SLC24A2: variants seen among roughly 807,000 people sequenced by gnomAD.
The protein encoded by SLC24A2 is sodium/potassium/calcium exchanger 2.
In SLC24A2, 36 loss-of-function variants were observed where a neutral mutation model predicts 62.0. The observed-to-expected ratio is 0.58, with a 90% CI of 0.44 to 0.77. The LOEUF is 0.77. SLC24A2 is among the 30% of genes least tolerant of loss of function. The pLI is 0.00. For synonymous variants in SLC24A2, 358 were observed against 294.0 expected, an observed-to-expected ratio of 1.22 and a Z score of -2.23; for missense variants, 846 against 817.9, an observed-to-expected ratio of 1.03 and a Z score of -0.42.
At chr9:19,520,822 C>G (rs1833164060) in intron 10 of SLC24A2, 72 bp downstream of exon 10, 2 of 1,469,806 alleles carry the variant, frequency 1.4e-6, no homozygotes, top group South Asian at 1.1e-5. Flanking sequence ...CTGGTCATGT[C>G]TTTCCAGCTT....
the SLC24A2 span, among the ~76,000 whole-genome samples, chr9:20,084,396 A>G: frequency 1.3e-5 from 2 of 152,168 alleles, no homozygotes; most frequent in Middle Eastern, 6.8e-3. Context: ...ATTGGCCATA[A>G]CAATTGGGAA....
chr9:19,978,638 A>G, the SLC24A2 span, among the ~76,000 whole-genome samples: 2,021 of 152,150 alleles, frequency 0.013, 38 homozygotes, highest in African/African-American at 0.041. Flanking sequence ...ATATCAATTG[A>G]CTCCCAACTT....
chr9:19,565,686 G>C (rs1463569182), intron 7 of SLC24A2, among the ~76,000 whole-genome samples: 3 of 152,158 alleles, frequency 2.0e-5, no homozygotes, highest in African/African-American at 7.2e-5. Flanking sequence ...AACAAAGCTG[G>C]AGGCATCAGG....
the SLC24A2 span, among the ~76,000 whole-genome samples, chr9:20,301,312 G>A: frequency 6.6e-6 from 1 of 152,102 alleles, no homozygotes; most frequent in Non-Finnish European, 1.5e-5. Context: ...GTTGTCTGGG[G>A]AGTACATTTT....
At chr9:19,636,315 T>TTTTCTTTTCCTTTCTTTCTTTTCC in intron 2 of SLC24A2, among the ~76,000 whole-genome samples, 1 of 40,328 alleles carries the variant, frequency 2.5e-5, no homozygotes, top group Non-Finnish European at 4.7e-5. Flanking sequence ...TTTTCTTTTC[T>TTTTCTTTTCCTTTCTTTCTTTTCC]TTTCTTTCTT....
the SLC24A2 span, among the ~76,000 whole-genome samples, chr9:19,836,431 C>G: frequency 6.6e-6 from 1 of 152,176 alleles, no homozygotes; most frequent in Non-Finnish European, 1.5e-5. Context: ...AAAAGACCAT[C>G]AGAGAATACT....
At chr9:19,523,147 T>C (rs1016190251) in intron 9 of SLC24A2, among the ~76,000 whole-genome samples, 1 of 152,170 alleles carries the variant, frequency 6.6e-6, no homozygotes, top group Non-Finnish European at 1.5e-5. Flanking sequence ...CAAGACCTTG[T>C]CCCCGAAATA....
intron 2 of SLC24A2, among the ~76,000 whole-genome samples, chr9:19,739,071 C>T (rs555698293): frequency 3.9e-5 from 6 of 152,268 alleles, no homozygotes; most frequent in East Asian, 1.9e-4. Flanking sequence ...GAGCCGAGAT[C>T]GTGCCACTGC....
chr9:19,619,407 T>C (rs1409065155), intron 4 of SLC24A2, among the ~76,000 whole-genome samples, 177 bp downstream of exon 4: 4 of 152,114 alleles, frequency 2.6e-5, no homozygotes, highest in African/African-American at 4.8e-5. Flanking sequence ...ACACTGATGG[T>C]GAACTGAGCT....
At chr9:20,053,261 A>G in the SLC24A2 span, among the ~76,000 whole-genome samples, 2 of 152,104 alleles carry the variant, frequency 1.3e-5, no homozygotes, top group Non-Finnish European at 2.9e-5. Flanking sequence ...TCTGTTGACC[A>G]CTACTCTGCC....
chr9:19,695,262 A>T (rs1337363639), intron 2 of SLC24A2, among the ~76,000 whole-genome samples: 2 of 152,070 alleles, frequency 1.3e-5, no homozygotes, highest in Non-Finnish European at 2.9e-5. Context: ...TGCCACTGTA[A>T]AGAAACCCTG....
At chr9:19,957,968 A>G in the SLC24A2 span, 1 of 152,926 alleles carries the variant, frequency 6.5e-6, no homozygotes, top group African/African-American at 2.4e-5. Context: ...GTAATAATTC[A>G]TGATGACAAT....
intron 5 of SLC24A2, among the ~76,000 whole-genome samples, chr9:19,594,157 C>G (rs781153558): frequency 7.2e-5 from 11 of 152,054 alleles, no homozygotes; most frequent in Non-Finnish European, 1.3e-4. Context: ...GGAAAGCAAT[C>G]TTTCCTCCCC....
chr9:19,698,174 C>T (rs370353575), intron 2 of SLC24A2, among the ~76,000 whole-genome samples: 7 of 152,126 alleles, frequency 4.6e-5, no homozygotes, highest in East Asian at 1.9e-4. Context: ...AAATCCAAAA[C>T]GTTTTGAGCA....
chr9:20,152,544 A>G, the SLC24A2 span, among the ~76,000 whole-genome samples: 1 of 151,886 alleles, frequency 6.6e-6, no homozygotes, highest in African/African-American at 2.4e-5. Flanking sequence ...TTCCCCATCC[A>G]TCTTAATGGA....
At chr9:20,279,067 G>A in the SLC24A2 span, among the ~76,000 whole-genome samples, 2 of 151,914 alleles carry the variant, frequency 1.3e-5, no homozygotes, top group Non-Finnish European at 2.9e-5. Context: ...AAAACCATCA[G>A]ATCTCATGAT....
chr9:20,179,938 C>T, the SLC24A2 span, among the ~76,000 whole-genome samples: 4 of 152,048 alleles, frequency 2.6e-5, no homozygotes, highest in South Asian at 8.3e-4. Context: ...GACATTAAAC[C>T]ACAAATCAAT....
At chr9:19,804,054 C>T in the SLC24A2 span, among the ~76,000 whole-genome samples, 153 of 152,198 alleles carry the variant, frequency 1.0e-3, no homozygotes, top group Non-Finnish European at 1.5e-3. Context: ...AATAGTGAAG[C>T]GTGAGTCCTC....
chr9:19,714,397 GCCCTT>G (rs1231357824), intron 2 of SLC24A2, among the ~76,000 whole-genome samples: 3 of 152,290 alleles, frequency 2.0e-5, no homozygotes, highest in African/African-American at 7.2e-5. Context: ...ACCAAGAGCA[GCCCTT>G]CCCTTTCAGG....
Sources: gnomAD v4.1 joint callset for allele counts (sites outside exome capture counted in the v4.1 genomes callset) on GRCh38, gnomAD v4.1.1 for gene constraint, MANE v1.5 for transcripts, NCBI Gene and HGNC (gene_info 2026-07-23, HGNC 2026-07-21) for gene names.